Variants in DENND1A observed in about 807,000 individuals in gnomAD.
DENND1A encodes DENN domain-containing protein 1A.
Under a neutral mutation model 113.7 loss-of-function variants are expected in DENND1A, and 51 were observed. The observed-to-expected ratio is 0.45, with a 90% CI of 0.36 to 0.57. DENND1A has a LOEUF of 0.57. Ranked by LOEUF, DENND1A falls within the 20% of genes least tolerant of loss-of-function variation. DENND1A has a pLI of 0.00. For synonymous variants in DENND1A, 565 were observed against 570.8 expected, an observed-to-expected ratio of 0.99 and a Z score of 0.14; for missense variants, 1,258 against 1,395.9, an observed-to-expected ratio of 0.90 and a Z score of 1.57.
chr9:123,799,148 G>A (rs1834224644), intron 2 of DENND1A, among the ~76,000 whole-genome samples: 3 of 152,120 alleles, frequency 2.0e-5, no homozygotes, highest in Non-Finnish European at 4.4e-5. Context: ...TTGGTGAAAA[G>A]AGATAACTTA....
intron 5 of DENND1A, 127 bp from the exon 6 acceptor site, chr9:123,676,916 G>A: frequency 2.3e-6 from 2 of 860,728 alleles, no homozygotes; most frequent in Non-Finnish European, 1.9e-6. Context: ...GTCACAGACT[G>A]GTGGAAACAC....
chr9:123,624,073 T>C (rs2061085948), intron 10 of DENND1A, among the ~76,000 whole-genome samples: 1 of 152,170 alleles, frequency 6.6e-6, no homozygotes, highest in African/African-American at 2.4e-5. Context: ...GCAGTGAAAA[T>C]GACTAGAAAC....
chr9:123,677,701 T>C (rs2140128942), intron 5 of DENND1A, among the ~76,000 whole-genome samples: 1 of 152,332 alleles, frequency 6.6e-6, no homozygotes, highest in African/African-American at 2.4e-5. Flanking sequence ...CCCAAACTGC[T>C]GGGATTATAG....
At chr9:123,543,771 T>G (rs2056457466) in intron 13 of DENND1A, among the ~76,000 whole-genome samples, 1 of 152,200 alleles carries the variant, frequency 6.6e-6, no homozygotes, top group South Asian at 2.1e-4. Context: ...CAATCTGCAG[T>G]GATTAGCCCT....
intron 1 of DENND1A, among the ~76,000 whole-genome samples, chr9:123,925,256 C>T (rs1564517645): frequency 6.6e-6 from 1 of 152,078 alleles, no homozygotes; most frequent in Non-Finnish European, 1.5e-5. Flanking sequence ...ATGTACTGCT[C>T]CCTCTGCTGA....
intron 11 of DENND1A, among the ~76,000 whole-genome samples, chr9:123,608,616 T>C (rs1394194042): frequency 6.6e-6 from 1 of 152,230 alleles, no homozygotes; most frequent in South Asian, 2.1e-4. Flanking sequence ...GGTACAGCCA[T>C]ACAGAAAGCA....
chr9:123,734,206 T>C (rs1260255642), intron 5 of DENND1A, among the ~76,000 whole-genome samples: 5 of 152,146 alleles, frequency 3.3e-5, no homozygotes, highest in Non-Finnish European at 7.3e-5. Flanking sequence ...AGATAAGTTA[T>C]GGAAATACAG....
intron 12 of DENND1A, among the ~76,000 whole-genome samples, chr9:123,579,354 C>T (rs2058776425): frequency 6.6e-6 from 1 of 152,114 alleles, no homozygotes; most frequent in Admixed American, 6.5e-5. Flanking sequence ...AGGGAAGTTG[C>T]CTTGAATCTC....
intron 1 of DENND1A, among the ~76,000 whole-genome samples, chr9:123,900,984 CAA>C (rs549799467): frequency 3.2e-4 from 49 of 152,256 alleles, no homozygotes; most frequent in African/African-American, 1.2e-3. Flanking sequence ...TTCTAAAGTT[CAA>C]AAGAGTTCAA....
rs74851272 is a variant in DENND1A at position 123,512,650 on chromosome 9, T to C, written c.993+44920A>G. Among the ~76,000 whole-genome samples, 307 of 152,344 alleles carry C rather than the reference T, an allele frequency of 2.0e-3. 1 individual carries two copies. The highest frequency in any genetic ancestry group is 3.9e-3 in the Non-Finnish European group (263 of 68,028). On this transcript the variant is annotated intron_variant, in intron 13 of 23. Coordinates refer to ENST00000394215, the MANE Select transcript of DENND1A (RefSeq NM_001352964.2). ...AGCAGGAGCCAGAAGCCTAGTGGCA[T>C]GGATGCAACTGGAAGCTTCTCGAAT...
chr9:123,457,487 A>G (rs1410894723), intron 14 of DENND1A, 52 bp from the exon 15 acceptor site: 1 of 1,453,632 alleles, frequency 6.9e-7, no homozygotes, highest in Non-Finnish European at 9.7e-7. Context: ...AAAAGGGGGA[A>G]AAACCATTCA....
chr9:123,734,566 C>G (rs376396705), intron 5 of DENND1A, among the ~76,000 whole-genome samples: 2 of 152,056 alleles, frequency 1.3e-5, no homozygotes, highest in Admixed American at 1.3e-4. Context: ...GGGGGCAAGA[C>G]AAAAGAATGG....
intron 20 of DENND1A, chr9:123,411,451 C>T (rs899961647): frequency 2.0e-5 from 3 of 152,286 alleles, no homozygotes; most frequent in African/African-American, 7.2e-5. Flanking sequence ...TTGTGAGGAA[C>T]AGGCGTCTGG....
chr9:123,883,344 A>G (rs1015303791), intron 1 of DENND1A, among the ~76,000 whole-genome samples: 1 of 152,208 alleles, frequency 6.6e-6, no homozygotes, highest in South Asian at 2.1e-4. Context: ...AATACTGGGT[A>G]GAAGGCATAA....
chr9:123,802,912 G>A (rs918095942), intron 2 of DENND1A, among the ~76,000 whole-genome samples: 38 of 152,036 alleles, frequency 2.5e-4, no homozygotes, highest in African/African-American at 8.5e-4. Context: ...GTGTTGGTCA[G>A]GCTGGTCTCT....
chr9:123,796,954 T>C (rs1833876545), intron 2 of DENND1A, among the ~76,000 whole-genome samples: 1 of 152,132 alleles, frequency 6.6e-6, no homozygotes, highest in Non-Finnish European at 1.5e-5. Context: ...TCTCCTATAA[T>C]AGGACCTCTT....
intron 16 of DENND1A, among the ~76,000 whole-genome samples, chr9:123,453,590 T>C (rs1294238293): frequency 6.6e-6 from 1 of 152,102 alleles, no homozygotes; most frequent in Non-Finnish European, 1.5e-5. Flanking sequence ...TTTAATCAAA[T>C]TCATCACAGA....
At chr9:123,416,072 G>A (rs2044702615) in intron 19 of DENND1A, among the ~76,000 whole-genome samples, 1 of 152,190 alleles carries the variant, frequency 6.6e-6, no homozygotes, top group Admixed American at 6.5e-5. Flanking sequence ...GCCAGCACTA[G>A]CTGAATGTAG....
At chr9:123,408,229 G>C (rs2044034761) in intron 20 of DENND1A, among the ~76,000 whole-genome samples, 1 of 152,164 alleles carries the variant, frequency 6.6e-6, no homozygotes, top group African/African-American at 2.4e-5. Flanking sequence ...TGTTCTCTTC[G>C]AGGCCCTTGT....
Sources: allele counts gnomAD v4.1 joint callset (sites outside exome capture counted in the v4.1 genomes callset), GRCh38; gene constraint gnomAD v4.1.1; transcripts MANE v1.5; gene names NCBI Gene and HGNC (gene_info 2026-07-23, HGNC 2026-07-21).